The following CSMD3 variants were observed in gnomAD, a reference collection of about 807,000 sequenced individuals.
CSMD3 encodes the protein CUB and Sushi multiple domains 3.
Under a neutral mutation model 435.2 loss-of-function variants are expected in CSMD3, and 177 were observed. That is an observed-to-expected ratio of 0.41 (90% CI 0.36 to 0.46). The LOEUF (loss-of-function observed/expected upper bound fraction) is 0.46. CSMD3 is among the 20% of genes least tolerant of loss of function. The pLI is 0.34. For synonymous variants in CSMD3, 1,656 were observed against 1,520.5 expected, an observed-to-expected ratio of 1.09 and a Z score of -2.07; for missense variants, 4,265 against 4,504.6, an observed-to-expected ratio of 0.95 and a Z score of 1.52.
chr8:112,527,184 C>A (rs1279027198), intron 27 of CSMD3, among the ~76,000 whole-genome samples: 1 of 151,502 alleles, frequency 6.6e-6, no homozygotes, highest in Non-Finnish European at 1.5e-5. Flanking sequence ...AATAAAAAAT[C>A]AAGATGCAAC....
At chr8:112,482,267 A>G (rs1206011918) in intron 31 of CSMD3, among the ~76,000 whole-genome samples, 1 of 152,238 alleles carries the variant, frequency 6.6e-6, no homozygotes, top group African/African-American at 2.4e-5. Context: ...ATCCTTGAAT[A>G]GATCTTCCAT....
At chr8:113,371,542 TTTA>T (rs2094346146) in intron 1 of CSMD3, among the ~76,000 whole-genome samples, 1 of 152,152 alleles carries the variant, frequency 6.6e-6, no homozygotes, top group Non-Finnish European at 1.5e-5. Context: ...TATTCATCTT[TTTA>T]TTATTTGCTT....
At chr8:113,066,462 C>A (rs904089243) in intron 5 of CSMD3, among the ~76,000 whole-genome samples, 2 of 151,912 alleles carry the variant, frequency 1.3e-5, no homozygotes, top group Non-Finnish European at 2.9e-5. Context: ...ATGAATAATT[C>A]TAAAGATTTG....
At chr8:112,460,372 G>T (rs1817322783) in intron 32 of CSMD3, among the ~76,000 whole-genome samples, 1 of 151,806 alleles carries the variant, frequency 6.6e-6, no homozygotes, top group Admixed American at 6.6e-5. Flanking sequence ...AAGCAAAGGG[G>T]TTAAGTAAAA....
rs1822243034 is a variant in CSMD3, at chr8:112,503,922, T to G, written c.4951A>C (p.Asn1651His). The change falls in exon 30 of 71, where the codon AAT (asparagine) becomes CAT (histidine). Residue 1651 changes from asparagine (N) to histidine (H), a missense_variant. This residue lies in a region of CSMD3 where 3,255 missense variants were observed against 3,380.2 expected (regional missense o/e 0.96). Coordinates refer to ENST00000297405, the MANE Select transcript of CSMD3 (RefSeq NM_198123.2). ...TGAAAACTTCCAATCAGTGGGCTAT[T>G]ACTGTCTGGTCCATCATAGATATAG... ...FLYIYDGPDS[N>H]SPLIGSFQDS... 6.2e-7 allele frequency: 1 copy of G among 1,611,958 alleles called. No individual in the cohort carries two copies. The highest frequency in any genetic ancestry group is 1.1e-5 in the South Asian group (1 of 91,044).
chr8:113,330,858 A>C (rs2132768074), intron 1 of CSMD3, among the ~76,000 whole-genome samples: 1 of 152,032 alleles, frequency 6.6e-6, no homozygotes, highest in African/African-American at 2.4e-5. Context: ...TGCTTTCAGT[A>C]ATGGATATAA....
At chr8:113,132,846 G>A (rs113404912) in intron 4 of CSMD3, among the ~76,000 whole-genome samples, 16 of 152,186 alleles carry the variant, frequency 1.1e-4, no homozygotes, top group Admixed American at 2.6e-4. Context: ...AAATTATTAC[G>A]CTATATGCCT....
chr8:113,182,393 T>G (rs972802971), intron 3 of CSMD3, among the ~76,000 whole-genome samples: 3 of 151,816 alleles, frequency 2.0e-5, no homozygotes, highest in Non-Finnish European at 2.9e-5. Context: ...AATACGTTGG[T>G]CTGAATAGGT....
At chr8:113,400,789 C>T (rs991228488) in intron 1 of CSMD3, among the ~76,000 whole-genome samples, 2 of 151,820 alleles carry the variant, frequency 1.3e-5, no homozygotes, top group African/African-American at 4.8e-5. Context: ...GAATTACAGG[C>T]TCAAAATGGT....
chr8:112,425,799 ACT>A (rs1393059429), intron 32 of CSMD3, among the ~76,000 whole-genome samples: 1 of 152,112 alleles, frequency 6.6e-6, no homozygotes, highest in Admixed American at 6.6e-5. Flanking sequence ...CTATTATTAA[ACT>A]CTGTGTGTGT....
intron 69 of CSMD3, among the ~76,000 whole-genome samples, chr8:112,231,119 T>C (rs1418050978): frequency 6.6e-6 from 1 of 152,250 alleles, no homozygotes; most frequent in East Asian, 1.9e-4. Context: ...TATTTTCTCT[T>C]TCCAGACTCT....
At chr8:113,376,843 C>T in intron 1 of CSMD3, 1 of 1,612,978 alleles carries the variant, frequency 6.2e-7, no homozygotes, top group Non-Finnish European at 8.5e-7. Context: ...CAACAACCGG[C>T]CACCTCTGCC....
At chr8:112,471,779 C>G (rs1818550446) in intron 32 of CSMD3, among the ~76,000 whole-genome samples, 1 of 152,154 alleles carries the variant, frequency 6.6e-6, no homozygotes, top group Admixed American at 6.6e-5. Flanking sequence ...CAGGCCCAGA[C>G]ATTCCTCATA....
At chr8:113,042,424 C>A (rs1020219024) in intron 5 of CSMD3, among the ~76,000 whole-genome samples, 3 of 152,072 alleles carry the variant, frequency 2.0e-5, no homozygotes. Flanking sequence ...AAATAGTTTT[C>A]TTTACAGTAC....
chr8:112,818,248 A>G (rs2079434405), intron 12 of CSMD3, among the ~76,000 whole-genome samples: 1 of 152,138 alleles, frequency 6.6e-6, no homozygotes, highest in Non-Finnish European at 1.5e-5. Context: ...CATGTTAAAT[A>G]TGTATCAAAG....
chr8:113,430,224 G>A (rs2094663144), intron 1 of CSMD3, among the ~76,000 whole-genome samples: 2 of 152,152 alleles, frequency 1.3e-5, no homozygotes. Flanking sequence ...AGTGAAGGTG[G>A]TGGTGTTAGA....
intron 5 of CSMD3, among the ~76,000 whole-genome samples, chr8:113,036,568 G>A (rs958141490): frequency 4.6e-5 from 7 of 152,104 alleles, no homozygotes; most frequent in African/African-American, 1.7e-4. Context: ...TAATTACAGA[G>A]CAACATGTGC....
At chr8:112,998,245 T>C (rs1472245429) in intron 6 of CSMD3, among the ~76,000 whole-genome samples, 5 of 151,840 alleles carry the variant, frequency 3.3e-5, no homozygotes, top group African/African-American at 1.2e-4. Flanking sequence ...TTCCTTCTCA[T>C]TACCCTGGAA....
chr8:112,302,465 A>T (rs546727298), intron 52 of CSMD3, among the ~76,000 whole-genome samples: 1 of 152,102 alleles, frequency 6.6e-6, no homozygotes, highest in African/African-American at 2.4e-5. Flanking sequence ...TTTGATTTTC[A>T]TGAGATCCAT....
Sources: allele counts gnomAD v4.1 joint callset (sites outside exome capture counted in the v4.1 genomes callset), GRCh38; gene constraint gnomAD v4.1.1; regional missense constraint gnomAD v4.1.1; transcripts MANE v1.5; gene names NCBI Gene and HGNC (gene_info 2026-07-23, HGNC 2026-07-21).